CD8B2: variants seen among roughly 807,000 people sequenced by gnomAD.
The protein encoded by CD8B2 is CD8B family member 2, also known as T-cell surface glycoprotein CD8 beta-2 chain.
CD8B2 carries 11 observed loss-of-function variants against 23.7 expected under a neutral mutation model. The ratio of observed to expected loss-of-function variants is 0.46; its 90% confidence interval spans 0.29 to 0.77. The LOEUF (loss-of-function observed/expected upper bound fraction) is 0.77, where lower values mean the gene tolerates loss of function less well. CD8B2 is among the 30% of genes least tolerant of loss of function. The pLI is 0.09. For missense variants in CD8B2, 197 were observed against 270.5 expected (o/e 0.73, Z 1.91); for synonymous variants, 90 against 109.3 (o/e 0.82, Z 1.10).
At chr2:106,536,851 G>A (rs961696793) in intron 5 of CD8B2, among the ~76,000 whole-genome samples, 5 of 152,176 alleles carry the variant, frequency 3.3e-5, no homozygotes, top group African/African-American at 1.2e-4. Context: ...CGCAAATAGT[G>A]TTACTGATCA....
downstream of CD8B2, among the ~76,000 whole-genome samples, chr2:106,514,676 C>G (rs533561562): frequency 6.6e-6 from 1 of 151,038 alleles, no homozygotes; most frequent in African/African-American, 2.4e-5. Flanking sequence ...CCTGGTCAGA[C>G]GCTCCTGATG....
chr2:106,488,995 TA>T (rs1193446656), intron 1 of CD8B2, among the ~76,000 whole-genome samples: 1 of 151,690 alleles, frequency 6.6e-6, no homozygotes, highest in Non-Finnish European at 1.5e-5. Flanking sequence ...TTTTTATTTT[TA>T]TTTTTTAATA....
intron 5 of CD8B2, chr2:106,521,417 T>C (rs1020502990): frequency 6.6e-6 from 1 of 152,268 alleles, no homozygotes; most frequent in Non-Finnish European, 1.5e-5. Flanking sequence ...TGTCTATGTC[T>C]GCAGCTCAAT....
At chr2:106,535,942 T>C (rs1024620603) in intron 5 of CD8B2, among the ~76,000 whole-genome samples, 4 of 152,080 alleles carry the variant, frequency 2.6e-5, no homozygotes, top group Non-Finnish European at 4.4e-5. Flanking sequence ...GAGGAAGTTT[T>C]CAATAATGGT....
At chr2:106,492,719 A>T (rs1458281568) in intron 2 of CD8B2, among the ~76,000 whole-genome samples, 1 of 152,068 alleles carries the variant, frequency 6.6e-6, no homozygotes, top group Non-Finnish European at 1.5e-5. Flanking sequence ...AAATTAGACC[A>T]CTCAGCGTGA....
intron 3 of CD8B2, among the ~76,000 whole-genome samples, chr2:106,501,277 C>G (rs1679399858): frequency 6.6e-6 from 1 of 151,822 alleles, no homozygotes; most frequent in African/African-American, 2.4e-5. Flanking sequence ...TGTTACTCTG[C>G]TGGAAGAAAG....
At chr2:106,490,113 A>T (rs1341086585) in intron 1 of CD8B2, among the ~76,000 whole-genome samples, 1 of 151,952 alleles carries the variant, frequency 6.6e-6, no homozygotes, top group Non-Finnish European at 1.5e-5. Flanking sequence ...TCTGTCCAGC[A>T]ACGGACAGAC....
In CD8B2 at chr2:106,504,294, C is replaced by T. The variant is rs1189627396; in HGVS notation, c.589C>T (p.Arg197Trp). The change falls in exon 5 of 6, where the codon CGG becomes TGG. Residue 197 changes from arginine (R) to tryptophan (W), a missense_variant. Physicochemically the swap from Arg to Trp is moderately radical, Grantham distance 101. Transcript: ENST00000643224. The part of the protein sequence containing the change: ...LGVAMHLCCR[R>W]RRARLRFMKQ... ...CCCTTGCTTTCCTCTTCCAGGCCGG[C>T]GGAGGAGAGCCCGGCTTCGTTTCAT... 47 of 1,555,640 alleles carry T rather than the reference C, an allele frequency of 3.0e-5. No homozygotes were observed. Among genetic ancestry groups the T allele is most frequent in the South Asian group, 1.3e-4 (11 of 84,268 alleles).
chr2:106,525,318 C>T (rs1489425610), intron 5 of CD8B2, among the ~76,000 whole-genome samples: 1 of 152,210 alleles, frequency 6.6e-6, no homozygotes, highest in Non-Finnish European at 1.5e-5. Context: ...ATAAACTTCA[C>T]TCTTGCTCAC....
intron 3 of CD8B2, among the ~76,000 whole-genome samples, chr2:106,497,409 C>T (rs1036243629): frequency 6.6e-6 from 1 of 152,178 alleles, no homozygotes; most frequent in African/African-American, 2.4e-5. Context: ...GGAGTGTACG[C>T]ACATACACAC....
chr2:106,493,248 T>C (rs73952235), intron 2 of CD8B2, among the ~76,000 whole-genome samples: 3 of 152,266 alleles, frequency 2.0e-5, no homozygotes, highest in South Asian at 4.1e-4. Flanking sequence ...GAGAAAGTGT[T>C]TGGGGAGAGA....
chr2:106,494,999 G>C (rs1416269802), intron 2 of CD8B2, among the ~76,000 whole-genome samples: 1 of 152,140 alleles, frequency 6.6e-6, no homozygotes, highest in Non-Finnish European at 1.5e-5. Context: ...CATGTGCTTA[G>C]GGAATGCCGA....
chr2:106,492,740 G>A (rs1679218215), intron 2 of CD8B2, among the ~76,000 whole-genome samples: 1 of 152,160 alleles, frequency 6.6e-6, no homozygotes, highest in African/African-American at 2.4e-5. Flanking sequence ...GGAAGTGCAG[G>A]GGCAGCTGGG....
chr2:106,530,571 G>A (rs1679978633), intron 5 of CD8B2, among the ~76,000 whole-genome samples: 1 of 152,072 alleles, frequency 6.6e-6, no homozygotes, highest in African/African-American at 2.4e-5. Context: ...AGTAGAGATG[G>A]GGTTTCACCC....
chr2:106,542,965 A>C (rs1680200505), intron 5 of CD8B2: 1 of 152,040 alleles, frequency 6.6e-6, no homozygotes, highest in Admixed American at 6.6e-5. Flanking sequence ...AAGAAAGAGG[A>C]GCGCTCGGCC....
intron 5 of CD8B2, among the ~76,000 whole-genome samples, chr2:106,505,324 C>T (rs1479343782): frequency 1.3e-5 from 2 of 152,184 alleles, no homozygotes; most frequent in East Asian, 1.9e-4. Flanking sequence ...GGTTCTCTTG[C>T]TCAAAAGCTC....
intron 5 of CD8B2, among the ~76,000 whole-genome samples, chr2:106,530,037 TGA>T (rs1679969885): frequency 1.3e-5 from 2 of 152,132 alleles, no homozygotes; most frequent in Admixed American, 6.5e-5. Flanking sequence ...GCTGAGAAAG[TGA>T]ACACAACTGG....
At position 106,507,226 on chromosome 2, in the gene CD8B2, C is replaced by A. The variant is rs1031702916; in HGVS notation, c.*286C>A. The A allele has an allele frequency of 1.9e-5, 24 of 1,233,404 alleles. No individual in the cohort carries two copies. Among genetic ancestry groups the A allele is most frequent in the Non-Finnish European group, 2.3e-5 (23 of 982,954 alleles). 76.4% of individuals were successfully genotyped at this position (1,233,404 alleles called of 1,614,324 possible). ...ATGCTGCCCATGCCACCGCTTCCGG[C>A]TCCTGTGCTTTCCCTGAGCTGGGAC... On this transcript the variant is annotated 3_prime_UTR_variant, in exon 6 of 6. Transcript: ENST00000643224.
At position 106,489,328 on chromosome 2, in the gene CD8B2, G is replaced by A. The variant is rs567682160; in HGVS notation, c.44-1546G>A. Among the ~76,000 whole-genome samples the A allele has an allele frequency of 7.8e-3, 1,180 of 151,604 alleles. 9 individuals carry two copies. Among genetic ancestry groups the A allele is most frequent in the Non-Finnish European group, 0.013 (853 of 67,906 alleles). On this transcript the variant is annotated intron_variant, in intron 1 of 5. Transcript: ENST00000643224. ...CCATCATTTCATTCTTGATGCGAGC[G>A]AAAGCTAAGAGTGGTCCAGGAGCGA...
Sources: allele counts gnomAD v4.1 joint callset (sites outside exome capture counted in the v4.1 genomes callset), GRCh38; gene constraint gnomAD v4.1.1; transcripts MANE v1.5; gene names NCBI Gene and HGNC (gene_info 2026-07-23, HGNC 2026-07-21).